The following PTPN7 variants were observed in gnomAD, a reference collection of about 807,000 sequenced individuals.
PTPN7 encodes the protein protein tyrosine phosphatase non-receptor type 7.
A neutral mutation model predicts 50.3 loss-of-function variants in PTPN7; 33 were observed. The observed-to-expected ratio is 0.66, with a 90% CI of 0.50 to 0.88. The LOEUF is 0.88. PTPN7 is among the 40% of genes least tolerant of loss of function. The pLI is 0.00. For missense variants in PTPN7, 412 were observed against 475.4 expected (o/e 0.87, Z 1.24); for synonymous variants, 185 against 186.6 (o/e 0.99, Z 0.07).
rs768517134 is a variant in PTPN7 at position 202,152,565 on chromosome 1, G to A, written c.852C>T (p.Pro284=). 1.7e-5 allele frequency: 28 copies of A among 1,612,876 alleles called. No individual in the cohort carries two copies. Among genetic ancestry groups the A allele is most frequent in the Admixed American group, 3.3e-5 (2 of 60,000 alleles). ...VEESPETAAH[P]GPIVVHCSAG... is the part of the protein sequence containing the mutation. ...ACCTGCAGTGGACTACGATAGGCCC[G>A]GGGTGGGCGGCTGTCTCCGGGCTCT... Residue 284 remains proline (P), a synonymous_variant, in exon 8 of 10, where the codon CCC becomes CCT. Coordinates refer to ENST00000691036, the MANE Select transcript of PTPN7 (RefSeq NM_002832.4).
chr1:202,160,855 C>A, upstream of PTPN7: 1 of 1,494,206 alleles, frequency 6.7e-7, no homozygotes, highest in Non-Finnish European at 8.9e-7. The surrounding 1 kb of genome is among the most constrained non-coding windows in gnomAD (Gnocchi z 4.8). Flanking sequence ...TGTGTTTCTC[C>A]TCTGGGTCTT....
chr1:202,159,600 A>G lies in PTPN7; in HGVS notation c.-52-146T>C. Reference sequence around the variant, plus strand: ...TGGCCTCATTTTCACTAAGGGAAGGACAGGATCTATTTGGTGGGACCCAGG... The same window carrying G: ...TGGCCTCATTTTCACTAAGGGAAGGGCAGGATCTATTTGGTGGGACCCAGG... On this transcript the variant is annotated intron_variant, in intron 1 of 9. Transcript: ENST00000691036. This position sits in a 1 kb window ranked among gnomAD's most constrained non-coding sequence, Gnocchi z 4.6. 2 of 1,486,146 alleles carry G rather than the reference A, an allele frequency of 1.3e-6. No individual in the cohort carries two copies. The highest frequency in any genetic ancestry group is 1.4e-5 in the African/African-American group (1 of 71,552). The allele number at this position is 1,486,146 out of a possible 1,614,324, so 92.1% of individuals were successfully genotyped here.
intron 3 of PTPN7, 67 bp from the exon 4 acceptor site, chr1:202,157,890 C>G: frequency 6.6e-7 from 1 of 1,511,970 alleles, no homozygotes; most frequent in East Asian, 2.3e-5. Context: ...CTACCTTTTT[C>G]TAGAACAGCT....
In PTPN7 at chr1:202,159,837, G is replaced by A. The variant is rs1453995600; in HGVS notation, c.-52-383C>T. 5 of 1,096,610 alleles carry A rather than the reference G, an allele frequency of 4.6e-6. No individual in the cohort carries two copies. The highest frequency in any genetic ancestry group is 5.6e-6 in the Non-Finnish European group (5 of 899,670). 67.9% of individuals were successfully genotyped at this position (1,096,610 alleles called of 1,614,324 possible). On this transcript the variant is annotated intron_variant, in intron 1 of 9. Transcript: ENST00000691036. This position sits in a 1 kb window ranked among gnomAD's most constrained non-coding sequence, Gnocchi z 4.6. The stretch of plus-strand genomic sequence containing the variant: ...GACGGAAGGGAGAAAGCACGCAGAA[G>A]CCATCTCTGAGCTAACCAGTGGGCC...
upstream of PTPN7, chr1:202,161,479 C>A: frequency 9.3e-6 from 12 of 1,289,852 alleles, no homozygotes; most frequent in Non-Finnish European, 1.2e-5. Flanking sequence ...GAAGGGTGGC[C>A]CCCAAGTCCA....
At chr1:202,154,577 G>C (rs1470900422) in intron 5 of PTPN7, among the ~76,000 whole-genome samples, 1 of 150,878 alleles carries the variant, frequency 6.6e-6, no homozygotes, top group Non-Finnish European at 1.5e-5. Flanking sequence ...GTAAGCCTCA[G>C]TGGTATCATC....
At chr1:202,150,558 A>G in intron 8 of PTPN7, 134 bp from the exon 9 acceptor site, 1 of 665,240 alleles carries the variant, frequency 1.5e-6, no homozygotes, top group Non-Finnish European at 2.6e-6. Context: ...AGATGGAGGC[A>G]GGTAGCAGTA....
At position 202,148,546 on chromosome 1, in the gene PTPN7, A is replaced by C; in HGVS notation, c.*60T>G. ...CCAGATCACTCGGCCCACTTTCCCC[A>C]GACCCACCTTCCCAGGCTTGAGGGA... On this transcript the variant is annotated 3_prime_UTR_variant, in exon 10 of 10. Transcript: ENST00000691036. The C allele has an allele frequency of 6.6e-7, 1 of 1,507,198 alleles. No individual in the cohort carries two copies. Among genetic ancestry groups the C allele is most frequent in the East Asian group, 2.3e-5 (1 of 44,038 alleles). 93.4% of individuals were successfully genotyped at this position (1,507,198 alleles called of 1,614,324 possible). A position where few individuals can be genotyped will look rare whatever the true frequency, so the allele number is the denominator to read the frequency against.
upstream of PTPN7, chr1:202,161,041 C>T (rs1185897057): frequency 1.4e-6 from 2 of 1,399,858 alleles, no homozygotes; most frequent in Non-Finnish European, 1.9e-6. Flanking sequence ...CCCTCAAGGC[C>T]CTCTCCCTCA....
At chr1:202,156,260 A>AATTCTCAAGG (rs957255121) in intron 4 of PTPN7, among the ~76,000 whole-genome samples, 2 of 152,246 alleles carry the variant, frequency 1.3e-5, no homozygotes, top group African/African-American at 4.8e-5. Context: ...ATAATATTCT[A>AATTCTCAAGG]ATAGATACAG....
chr1:202,153,101 G>A (rs1656228187), intron 7 of PTPN7, among the ~76,000 whole-genome samples: 1 of 151,998 alleles, frequency 6.6e-6, no homozygotes, highest in Non-Finnish European at 1.5e-5. Flanking sequence ...ATAATAGAAG[G>A]CATTTTAAAA....
At position 202,159,903 on chromosome 1, in the gene PTPN7, G is replaced by C; in HGVS notation, c.-52-449C>G. On this transcript the variant is annotated intron_variant, in intron 1 of 9. Transcript: ENST00000691036. This position sits in a 1 kb window ranked among gnomAD's most constrained non-coding sequence, Gnocchi z 4.6. ...AATGGAGGCCTCCAGCAGTGTTGGA[G>C]CTGGTTGGGCAGCCAGGCAGGCGGG... 3.0e-6 allele frequency: 3 copies of C among 1,015,398 alleles called. No homozygotes were observed. The highest frequency in any genetic ancestry group is 3.5e-6 in the Non-Finnish European group (3 of 849,214). 62.9% of individuals were successfully genotyped at this position (1,015,398 alleles called of 1,614,324 possible). A position where few individuals can be genotyped will look rare whatever the true frequency, so the allele number is the denominator to read the frequency against.
At chr1:202,152,490 GCAGGGGAGGGGAGCA>G in intron 8 of PTPN7, 37 bp downstream of exon 8, 1 of 1,581,850 alleles carries the variant, frequency 6.3e-7, no homozygotes, top group Non-Finnish European at 8.6e-7. Flanking sequence ...GACCCAGGGG[GCAGGGGAGGGGAGCA>G]CAGTCCACAG....
At position 202,148,330 on chromosome 1, in the gene PTPN7, C is replaced by T. The variant is rs1205827693; in HGVS notation, c.*276G>A. The T allele has an allele frequency of 2.8e-6, 1 of 359,288 alleles. No individual in the cohort carries two copies. Among genetic ancestry groups the T allele is most frequent in the African/African-American group, 2.1e-5 (1 of 48,128 alleles). 22.3% of individuals were successfully genotyped at this position (359,288 alleles called of 1,614,324 possible). On this transcript the variant is annotated 3_prime_UTR_variant, in exon 10 of 10. Coordinates refer to ENST00000691036, the MANE Select transcript of PTPN7 (RefSeq NM_002832.4). ...TTTCTTTGTCTGTCATAAATGCCAG[C>T]TCCTGTCTTTAAGTTCAGAGAGACA...
Position 202,160,437 on chromosome 1 carries a change from G to A in PTPN7, c.-53+108C>T. On this transcript the variant is annotated intron_variant, in intron 1 of 9. Transcript: ENST00000691036. The surrounding 1 kb of genome is among the most constrained non-coding windows in gnomAD (Gnocchi z 4.8). ...ACCCATACCCCAGCCAGGCACTGTG[G>A]CGCCCCACTCGCCCTCCCGCACTCC... 5 of 1,168,634 alleles carry A rather than the reference G, an allele frequency of 4.3e-6. No individual in the cohort carries two copies. The highest frequency in any genetic ancestry group is 5.2e-5 in the East Asian group (2 of 38,644). 72.4% of individuals were successfully genotyped at this position (1,168,634 alleles called of 1,614,324 possible).
chr1:202,156,862 C>T (rs540731214), intron 4 of PTPN7, among the ~76,000 whole-genome samples: 2 of 152,272 alleles, frequency 1.3e-5, no homozygotes, highest in African/African-American at 4.8e-5. Context: ...CTCATGCCTG[C>T]CTCCGAAAAA....
At chr1:202,161,232 C>T, upstream of PTPN7, 1 of 1,126,412 alleles carries the variant, frequency 8.9e-7, no homozygotes, top group Non-Finnish European at 1.1e-6. Context: ...TGCCACGGCC[C>T]AGCTCTCCAC....
At chr1:202,148,847 C>CTTTTTTTTTTTTTTTT (rs10652170) in intron 9 of PTPN7, 148 bp from the exon 10 acceptor site, 1 of 130,988 alleles carries the variant, frequency 7.6e-6, no homozygotes, top group African/African-American at 4.5e-5. Context: ...CATCTTTTCA[C>CTTTTTTTTTTTTTTTT]TTTTTTTTTT....
At position 202,158,078 on chromosome 1, in the gene PTPN7, C is replaced by T. The variant is rs143580288; in HGVS notation, c.306+40G>A. On this transcript the variant is annotated intron_variant, in intron 3 of 9. Transcript: ENST00000691036. ...TGGTTCCAGCTGGCTGCCTCTGATA[C>T]AGAGGGCAGAGCGATTCAGAGGGGA... is the stretch of plus-strand genomic sequence containing the variant. The T allele has an allele frequency of 1.1e-4, 173 of 1,528,626 alleles. No individual in the cohort carries two copies. The African/African-American group carries it at 2.0e-3, about 18-fold the overall frequency. 94.7% of individuals were successfully genotyped at this position (1,528,626 alleles called of 1,614,324 possible). A position where few individuals can be genotyped will look rare whatever the true frequency, so the allele number is the denominator to read the frequency against.
Sources: gnomAD v4.1 joint callset for allele counts (sites outside exome capture counted in the v4.1 genomes callset) on GRCh38, gnomAD v4.1.1 for gene constraint, Gnocchi (gnomAD v3.1) non-coding constraint, MANE v1.5 for transcripts, NCBI Gene and HGNC (gene_info 2026-07-23, HGNC 2026-07-21) for gene names.